STK31: variants seen among roughly 807,000 people sequenced by gnomAD.
STK31 encodes the protein serine/threonine kinase 31, also known as serine/threonine-protein kinase 31.
In STK31, 89 loss-of-function variants were observed where a neutral mutation model predicts 129.7. The observed-to-expected ratio is 0.69, with a 90% confidence interval of 0.58 to 0.82. STK31 has a LOEUF of 0.82. STK31 is among the 40% of genes least tolerant of loss of function. The pLI, the probability that STK31 is intolerant of heterozygous loss-of-function variation, is 0.00. For missense variants in STK31, 1,187 were observed against 1,176.4 expected (o/e 1.01, Z -0.13); for synonymous variants, 448 against 395.3 (o/e 1.13, Z -1.58).
At chr7:23,721,705 A>C (rs1032052905) in intron 4 of STK31, 2 of 793,920 alleles carry the variant, frequency 2.5e-6, no homozygotes, top group Non-Finnish European at 4.6e-6. Flanking sequence ...TACCATTATC[A>C]TTCTTACTTG....
In STK31 at chr7:23,786,746, T is replaced by TAAAAGA. The variant is rs1337219594; in HGVS notation, c.2401-87_2401-82dup. The TAAAAGA allele has an allele frequency of 3.9e-6, 6 of 1,543,670 alleles. No homozygotes were observed. The East Asian group carries it at 1.4e-4, about 35-fold the overall frequency. The stretch of plus-strand genomic sequence containing the variant: ...GAGCAGCAGTTCATTCCCCTTAACA[T>TAAAAGA]AAAAGAAAAATTATCCCATAGAATC... On this transcript the variant is annotated intron_variant, in intron 19 of 23. Transcript: ENST00000355870.
intron 8 of STK31, among the ~76,000 whole-genome samples, chr7:23,747,098 A>C (rs553183026): frequency 6.6e-6 from 1 of 151,994 alleles, no homozygotes; most frequent in South Asian, 2.1e-4. Context: ...GGGTTTTTAC[A>C]TATATGTTCG....
At chr7:23,757,147 A>G (rs1369311124) in intron 10 of STK31, among the ~76,000 whole-genome samples, 1 of 151,962 alleles carries the variant, frequency 6.6e-6, no homozygotes, top group Non-Finnish European at 1.5e-5. Flanking sequence ...GTAGGCTGTT[A>G]ATTACTACCT....
intron 10 of STK31, among the ~76,000 whole-genome samples, chr7:23,760,282 A>ATTATACCCTGTAAATC (rs2128098211): frequency 7.1e-6 from 1 of 140,628 alleles, no homozygotes; most frequent in South Asian, 2.4e-4. Context: ...GCCTCTGTGG[A>ATTATACCCTGTAAATC]TTATACCCTG....
chr7:23,801,423 A>G (rs1434892060), intron 22 of STK31, among the ~76,000 whole-genome samples: 1 of 152,056 alleles, frequency 6.6e-6, no homozygotes, highest in Non-Finnish European at 1.5e-5. Flanking sequence ...TTGGGCATTC[A>G]TAAATACATT....
At chr7:23,819,197 T>A (rs1227851052) in intron 23 of STK31, among the ~76,000 whole-genome samples, 4 of 152,198 alleles carry the variant, frequency 2.6e-5, no homozygotes, top group South Asian at 2.1e-4. Flanking sequence ...TATTTAATTG[T>A]TTGCACCTAG....
At chr7:23,754,532 T>G (rs576962932) in intron 10 of STK31, 58 bp downstream of exon 10, 3 of 1,509,994 alleles carry the variant, frequency 2.0e-6, no homozygotes, top group South Asian at 1.3e-5. Flanking sequence ...AGGAAGTGTT[T>G]TTTTAATTTC....
At chr7:23,712,404 A>T (rs1786029315) in intron 3 of STK31, 118 bp downstream of exon 3, 1 of 966,712 alleles carries the variant, frequency 1.0e-6, no homozygotes, top group Non-Finnish European at 1.6e-6. Flanking sequence ...CCTAATATTT[A>T]TTGAATTATT....
chr7:23,824,505 T>C (rs370295716), intron 23 of STK31, among the ~76,000 whole-genome samples: 23 of 152,216 alleles, frequency 1.5e-4, no homozygotes, highest in Non-Finnish European at 2.4e-4. Context: ...TGGGCTGAGA[T>C]GATGGGGTTT....
intron 3 of STK31, among the ~76,000 whole-genome samples, chr7:23,713,259 T>C (rs1786089575): frequency 6.6e-6 from 1 of 152,164 alleles, no homozygotes; most frequent in African/African-American, 2.4e-5. Flanking sequence ...TCTTTATGTA[T>C]CTAAACATGA....
rs1562537880 is a variant in STK31, at chr7:23,710,353, T to C, written c.50+18T>C. The C allele has an allele frequency of 1.2e-6, 2 of 1,613,464 alleles. No individual in the cohort carries two copies. ...AGTGTGAGGTCAGTAGTAGTTTTTG[T>C]GGTACGTGCAGTGGTGGCCGCTTCA... is the stretch of plus-strand genomic sequence containing the variant. On this transcript the variant is annotated intron_variant, in intron 1 of 23. Coordinates refer to ENST00000355870, the MANE Select transcript of STK31 (RefSeq NM_031414.5).
At chr7:23,768,023 G>T (rs2128102135) in intron 11 of STK31, among the ~76,000 whole-genome samples, 1 of 151,606 alleles carries the variant, frequency 6.6e-6, no homozygotes, top group African/African-American at 2.4e-5. Flanking sequence ...AAATTTTATT[G>T]TTACTGTTAT....
chr7:23,768,920 C>G, intron 11 of STK31, 75 bp from the exon 12 acceptor site: 2 of 1,253,386 alleles, frequency 1.6e-6, no homozygotes, highest in Non-Finnish European at 2.1e-6. Context: ...TTTTCTACCC[C>G]TTAGATCCTA....
intron 8 of STK31, among the ~76,000 whole-genome samples, chr7:23,741,019 C>T (rs183742975): frequency 6.6e-6 from 1 of 152,222 alleles, no homozygotes; most frequent in East Asian, 1.9e-4. Flanking sequence ...ATTTGTTCTC[C>T]TTAAGTATTA....
At chr7:23,813,015 C>A (rs1453872752) in intron 22 of STK31, among the ~76,000 whole-genome samples, 3 of 149,536 alleles carry the variant, frequency 2.0e-5, no homozygotes, top group Admixed American at 1.3e-4. Context: ...TTTTCCTTTT[C>A]TTCTGAGACT....
At chr7:23,737,324 C>A (rs1787777369) in intron 8 of STK31, among the ~76,000 whole-genome samples, 1 of 152,082 alleles carries the variant, frequency 6.6e-6, no homozygotes, top group Admixed American at 6.6e-5. Flanking sequence ...AAAAACTTTT[C>A]AACTAAGGCA....
chr7:23,740,907 G>A (rs1159447702), intron 8 of STK31, among the ~76,000 whole-genome samples: 1 of 152,252 alleles, frequency 6.6e-6, no homozygotes, highest in Admixed American at 6.5e-5. Flanking sequence ...AGTTTGTTCA[G>A]TAAAGGCAAG....
intron 4 of STK31, among the ~76,000 whole-genome samples, chr7:23,724,489 A>G (rs1786934140): frequency 6.6e-6 from 1 of 152,246 alleles, no homozygotes; most frequent in South Asian, 2.1e-4. Flanking sequence ...GTTAGGCATT[A>G]CAGTACCAGC....
intron 4 of STK31, among the ~76,000 whole-genome samples, chr7:23,724,073 C>T (rs1786899512): frequency 1.3e-5 from 2 of 152,080 alleles, no homozygotes; most frequent in Non-Finnish European, 2.9e-5. Context: ...CAAATGGTTA[C>T]AGAGAGATAA....
Sources: allele counts gnomAD v4.1 joint callset (sites outside exome capture counted in the v4.1 genomes callset), GRCh38; gene constraint gnomAD v4.1.1; transcripts MANE v1.5; gene names NCBI Gene and HGNC (gene_info 2026-07-23, HGNC 2026-07-21).